ZNF354C: variants seen among roughly 807,000 people sequenced by gnomAD.
The protein encoded by ZNF354C is zinc finger protein 354C.
A neutral mutation model predicts 12.4 loss-of-function variants in ZNF354C; 7 were observed. That is an observed-to-expected ratio of 0.56 (90% CI 0.32 to 1.06). The LOEUF (loss-of-function observed/expected upper bound fraction) is 1.06, where lower values mean the gene tolerates loss of function less well. Ranked by LOEUF, ZNF354C falls within the 50% of genes least tolerant of loss-of-function variation. The probability of loss-of-function intolerance (pLI) is 0.04; values close to 1 mark genes in which losing one functional copy is unlikely to be tolerated. For synonymous variants in ZNF354C, 202 were observed against 224.5 expected (o/e 0.90, Z 0.90); for missense variants, 609 against 658.0 (o/e 0.93, Z 0.81).
rs79220348 is a variant in ZNF354C, at chr5:179,071,463, T to C, written c.28-4982T>C. On this transcript the variant is annotated intron_variant, in intron 2 of 4. Coordinates refer to ENST00000315475, the MANE Select transcript of ZNF354C (RefSeq NM_014594.3). ...AATAGAGAAATAGCTCCTTTCAGAC[T>C]AATTCATCTGTGGATAACTACTACA... Among the ~76,000 whole-genome samples, 1,724 of 151,796 alleles carry C rather than the reference T, an allele frequency of 0.011. 70 individuals carry two copies. In the South Asian group the frequency reaches 0.14, roughly 12 times the overall value.
rs966392139 is a variant in ZNF354C at position 179,082,492 on chromosome 5, G to T, written c.*2395G>T. On this transcript the variant is annotated 3_prime_UTR_variant, in exon 5 of 5. Transcript: ENST00000315475. ...TTTTTTTATATATTTATTTTAAAAT[G>T]GTTTTCTTAAATTTATTTTTTTAAA... 1 of 568,328 alleles carries T rather than the reference G, an allele frequency of 1.8e-6. No homozygotes were observed. The highest frequency in any genetic ancestry group is 1.9e-5 in the African/African-American group (1 of 53,210). The allele number at this position is 568,328 out of a possible 1,614,324, so 35.2% of individuals were successfully genotyped here.
rs13354488 is a variant in ZNF354C, at chr5:179,073,394, C to A, written c.28-3051C>A. On this transcript the variant is annotated intron_variant, in intron 2 of 4. Transcript: ENST00000315475. Reference sequence around the variant, plus strand: ...TAGCTATCTGGATAAATATAAAATACTTTTTTTCCTTTCGATTTCTTTAAA... The same window carrying A: ...TAGCTATCTGGATAAATATAAAATAATTTTTTTCCTTTCGATTTCTTTAAA... 8.7e-3 allele frequency among the ~76,000 whole-genome samples: 1,321 copies of A among 152,264 alleles called. 17 individuals carry two copies. Among genetic ancestry groups the A allele is most frequent in the African/African-American group, 0.03 (1,254 of 41,550 alleles).
chr5:179,073,469 G>A (rs1762075648), intron 2 of ZNF354C, among the ~76,000 whole-genome samples: 1 of 151,920 alleles, frequency 6.6e-6, no homozygotes, highest in Non-Finnish European at 1.5e-5. Context: ...TATAGGAGGG[G>A]GTTTACAATG....
chr5:179,062,595 A>G (rs1761908955), intron 2 of ZNF354C, among the ~76,000 whole-genome samples: 1 of 152,176 alleles, frequency 6.6e-6, no homozygotes, highest in African/African-American at 2.4e-5. Flanking sequence ...TTCAGGGGAA[A>G]TATCCCAGAA....
In ZNF354C at chr5:179,083,905, G is replaced by C. The variant is rs76850760; in HGVS notation, c.*3808G>C. On this transcript the variant is annotated 3_prime_UTR_variant, in exon 5 of 5. Transcript: ENST00000315475. ...CCTTCACTCTGGGCAGAGGATTTGT[G>C]AGCCAAAAAGGGTTAGGAGACTCCC... Among the ~76,000 whole-genome samples the C allele has an allele frequency of 1.3e-5, 2 of 151,348 alleles. No individual in the cohort carries two copies. Among genetic ancestry groups the C allele is most frequent in the African/African-American group, 4.9e-5 (2 of 41,124 alleles).
At position 179,062,099 on chromosome 5, in the gene ZNF354C, AGAGT is replaced by A; in HGVS notation, c.27+11_27+14del. 6.2e-7 allele frequency: 1 copy of A among 1,614,138 alleles called. No homozygotes were observed. Among genetic ancestry groups the A allele is most frequent in the Admixed American group, 1.7e-5 (1 of 60,022 alleles). Reference sequence around the variant, plus strand: ...TGTGGATCTGCTGTCTGCTCAGGTGAGAGTGAGTGAAGGTTGTCTTTTTCATCAG... The same window carrying A: ...TGTGGATCTGCTGTCTGCTCAGGTGAGAGTGAAGGTTGTCTTTTTCATCAG... On this transcript the variant is annotated splice_donor_5th_base_variant and intron_variant, in intron 2 of 4. Transcript: ENST00000315475.
At chr5:179,077,047 C>T (rs770142914) in intron 3 of ZNF354C, 24 bp from the exon 4 acceptor site, 1 of 1,607,412 alleles carries the variant, frequency 6.2e-7, no homozygotes, top group South Asian at 1.1e-5. Context: ...TTTGTTCAAA[C>T]TTCATTTGCT....
At chr5:179,078,111 T>C (rs891887232) in intron 4 of ZNF354C, among the ~76,000 whole-genome samples, 78 of 152,148 alleles carry the variant, frequency 5.1e-4, no homozygotes, top group African/African-American at 1.8e-3. Flanking sequence ...TGTCTTCTCT[T>C]TAACAGACTG....
At chr5:179,063,137 G>A (rs1761916306) in intron 2 of ZNF354C, among the ~76,000 whole-genome samples, 2 of 152,218 alleles carry the variant, frequency 1.3e-5, no homozygotes, top group South Asian at 2.1e-4. Flanking sequence ...TCAGGAGCTT[G>A]ACTTCATGGC....
rs1762214887 is a variant in ZNF354C at position 179,080,641 on chromosome 5, T to C, written c.*544T>C. ...CAACTTATATATGTAAACATACATA[T>C]ATACACATATGCATGTGTGTGTGTA... On this transcript the variant is annotated 3_prime_UTR_variant, in exon 5 of 5. Coordinates refer to ENST00000315475, the MANE Select transcript of ZNF354C (RefSeq NM_014594.3). 1 of 152,240 alleles carries C rather than the reference T, an allele frequency of 6.6e-6. No individual in the cohort carries two copies. Among genetic ancestry groups the C allele is most frequent in the Admixed American group, 6.5e-5 (1 of 15,276 alleles). The allele number at this position is 152,240 out of a possible 1,614,324, so 9.4% of individuals were successfully genotyped here. A position where few individuals can be genotyped will look rare whatever the true frequency, so the allele number is the denominator to read the frequency against.
At chr5:179,071,933 A>G (rs151305999) in intron 2 of ZNF354C, among the ~76,000 whole-genome samples, 1 of 152,306 alleles carries the variant, frequency 6.6e-6, no homozygotes, top group East Asian at 1.9e-4. Context: ...TTTGACTCCA[A>G]CTAAATTAAC....
At chr5:179,068,854 G>A (rs925642716) in intron 2 of ZNF354C, among the ~76,000 whole-genome samples, 46 of 152,200 alleles carry the variant, frequency 3.0e-4, no homozygotes, top group Non-Finnish European at 7.3e-5. Flanking sequence ...GGGCAAGTCT[G>A]GCTTCTCCTG....
chr5:179,076,344 A>G (rs1561750808), intron 2 of ZNF354C, 101 bp from the exon 3 acceptor site: 7 of 1,543,642 alleles, frequency 4.5e-6, no homozygotes, highest in Non-Finnish European at 6.2e-6. Context: ...GTGAATTATT[A>G]GAATCCTGAG....
rs768039868 is a variant in ZNF354C at position 179,079,153 on chromosome 5, G to C, written c.721G>C (p.Glu241Gln). The C allele has an allele frequency of 2.5e-6, 4 of 1,613,768 alleles. No individual in the cohort carries two copies. The African/African-American group carries it at 5.3e-5, about 22-fold the overall frequency. Residue 241 changes from glutamate (E) to glutamine (Q), a missense_variant, in exon 5 of 5, where the codon GAG (glutamate) becomes CAG (glutamine). Coordinates refer to ENST00000315475, the MANE Select transcript of ZNF354C (RefSeq NM_014594.3). The surrounding 1 kb of genome is among the most constrained non-coding windows in gnomAD (Gnocchi z 4.2). ...TGAACATCAGAGAATTCATACAGGT[G>C]AGAAACCCTACAAATGTAATGAGTG... ...LIEHQRIHTG[E>Q]KPYKCNECEK... is the part of the protein sequence containing the mutation.
intron 2 of ZNF354C, among the ~76,000 whole-genome samples, chr5:179,075,914 T>A (rs1762113540): frequency 1.3e-5 from 2 of 152,256 alleles, no homozygotes; most frequent in African/African-American, 2.4e-5. Context: ...TTACTACAAA[T>A]GCAGCATCTT....
Position 179,083,944 on chromosome 5 carries a change from C to G in ZNF354C, c.*3847C>G, listed in dbSNP as rs1057068422. Among the ~76,000 whole-genome samples the G allele has an allele frequency of 3.0e-4, 22 of 74,324 alleles. No individual in the cohort carries two copies. The highest frequency in any genetic ancestry group is 1.2e-3 in the African/African-American group (22 of 18,394). The allele number at this position is 74,324 out of a possible 152,430, so 48.8% of individuals were successfully genotyped here. A position where few individuals can be genotyped will look rare whatever the true frequency, so the allele number is the denominator to read the frequency against. ...TAGGAGACTCCCCATTGCTTTTCTTCCCTATCTATCTTCCTGCTACTTGGA... is the reference window on the plus strand; with the variant it reads ...TAGGAGACTCCCCATTGCTTTTCTTGCCTATCTATCTTCCTGCTACTTGGA... On this transcript the variant is annotated 3_prime_UTR_variant, in exon 5 of 5. Transcript: ENST00000315475.
At chr5:179,069,817 G>C (rs906978632) in intron 2 of ZNF354C, among the ~76,000 whole-genome samples, 20 of 150,186 alleles carry the variant, frequency 1.3e-4, no homozygotes, top group Middle Eastern at 3.8e-3. Context: ...AGTGAGCCGA[G>C]ATTGCGCCCC....
rs1762253996 is a variant in ZNF354C, at chr5:179,083,302, G to GATA, written c.*3208_*3210dup. On this transcript the variant is annotated 3_prime_UTR_variant, in exon 5 of 5. Coordinates refer to ENST00000315475, the MANE Select transcript of ZNF354C (RefSeq NM_014594.3). ...TGGTATATTTGATTTTTCTAGAAGT[G>GATA]ATAATTGAGTTACGTAGGATAATGT... is the stretch of plus-strand genomic sequence containing the variant. 7 of 185,286 alleles carry GATA rather than the reference G, an allele frequency of 3.8e-5. No individual in the cohort carries two copies. The highest frequency in any genetic ancestry group is 1.2e-4 in the Admixed American group (2 of 16,396). The allele number at this position is 185,286 out of a possible 1,614,324, so 11.5% of individuals were successfully genotyped here.
intron 2 of ZNF354C, 24 bp from the exon 3 acceptor site, chr5:179,076,421 G>A: frequency 1.9e-6 from 3 of 1,614,000 alleles, no homozygotes; most frequent in East Asian, 2.2e-5. Flanking sequence ...TCCTGGGTGA[G>A]CAGGTATGGG....
Sources: allele counts gnomAD v4.1 joint callset (sites outside exome capture counted in the v4.1 genomes callset), GRCh38; gene constraint gnomAD v4.1.1; non-coding constraint Gnocchi (gnomAD v3.1); transcripts MANE v1.5; gene names NCBI Gene and HGNC (gene_info 2026-07-23, HGNC 2026-07-21).